Variants in ERCC6L2 observed in about 807,000 individuals in gnomAD.
ERCC6L2 encodes ERCC excision repair 6 like 2, also known as DNA excision repair protein ERCC-6-like 2.
In ERCC6L2, 77 loss-of-function variants were observed where a neutral mutation model predicts 132.0. The observed-to-expected ratio is 0.58, with a 90% CI of 0.49 to 0.71. The LOEUF is 0.71. Among genes scored for constraint, ERCC6L2 ranks in the 30% least tolerant of loss-of-function variants. The probability of loss-of-function intolerance (pLI) is 0.00; values close to 1 mark genes in which losing one functional copy is unlikely to be tolerated. For missense variants in ERCC6L2, 1,542 were observed against 1,837.6 expected, an observed-to-expected ratio of 0.84 and a Z score of 2.94; for synonymous variants, 583 against 632.4, an observed-to-expected ratio of 0.92 and a Z score of 1.17.
intron 4 of ERCC6L2, among the ~76,000 whole-genome samples, chr9:95,912,072 A>G (rs1402954510): frequency 6.6e-6 from 1 of 152,168 alleles, no homozygotes; most frequent in Non-Finnish European, 1.5e-5. Context: ...TAAACAGACT[A>G]TTGAACATTT....
At chr9:95,880,105 T>G (rs187602641) in intron 1 of ERCC6L2, among the ~76,000 whole-genome samples, 1 of 152,308 alleles carries the variant, frequency 6.6e-6, no homozygotes, top group African/African-American at 2.4e-5. Flanking sequence ...TAATACTCTT[T>G]AAAGTGTAAT....
chr9:95,967,871 A>G (rs560262772), intron 14 of ERCC6L2: 1 of 152,136 alleles, frequency 6.6e-6, no homozygotes, highest in African/African-American at 2.4e-5. Flanking sequence ...CCCAGCTGCT[A>G]CCTCCATCTC....
At chr9:95,884,949 G>A (rs1827786758) in intron 2 of ERCC6L2, among the ~76,000 whole-genome samples, 1 of 152,172 alleles carries the variant, frequency 6.6e-6, no homozygotes, top group Non-Finnish European at 1.5e-5. Flanking sequence ...TTTTTAAGGT[G>A]AATTGGAAGG....
intron 3 of ERCC6L2, among the ~76,000 whole-genome samples, chr9:95,900,863 A>C (rs546488162): frequency 2.0e-4 from 30 of 152,208 alleles, no homozygotes; most frequent in Non-Finnish European, 3.5e-4. Context: ...AAAACGTTAA[A>C]TTTTTTTATT....
chr9:95,963,615 A>C (rs1487215894), intron 13 of ERCC6L2, among the ~76,000 whole-genome samples: 3 of 152,086 alleles, frequency 2.0e-5, no homozygotes, highest in African/African-American at 7.2e-5. Flanking sequence ...GGACCCATTC[A>C]GTTTCCCCAC....
chr9:95,941,234 T>G (rs1346565294), intron 11 of ERCC6L2, among the ~76,000 whole-genome samples: 1 of 152,186 alleles, frequency 6.6e-6, no homozygotes, highest in Non-Finnish European at 1.5e-5. Flanking sequence ...ACGTGGGCTC[T>G]AATGACCAGT....
intron 7 of ERCC6L2, among the ~76,000 whole-genome samples, chr9:95,922,085 C>A (rs1371777190): frequency 1.3e-5 from 2 of 152,090 alleles, no homozygotes; most frequent in Non-Finnish European, 2.9e-5. Context: ...AGGATTTTCT[C>A]CCTTTATGAA....
intron 12 of ERCC6L2, among the ~76,000 whole-genome samples, 167 bp from the exon 13 acceptor site, chr9:95,955,745 TGA>T (rs930797569): frequency 1.3e-5 from 2 of 152,180 alleles, no homozygotes; most frequent in African/African-American, 4.8e-5. Flanking sequence ...GCTTTTTATA[TGA>T]GTTTGAATTT....
chr9:95,929,968 CTCTA>C (rs2132802091), intron 11 of ERCC6L2, among the ~76,000 whole-genome samples: 2 of 152,268 alleles, frequency 1.3e-5, no homozygotes, highest in South Asian at 2.1e-4. Context: ...ACCCCTTCAC[CTCTA>C]TCTGTCAGAA....
chr9:95,907,545 T>G (rs1829108425), intron 4 of ERCC6L2, among the ~76,000 whole-genome samples: 1 of 152,006 alleles, frequency 6.6e-6, no homozygotes, highest in African/African-American at 2.4e-5. Flanking sequence ...ATGATTCCTT[T>G]GCTTGATTTA....
rs117676594 is a variant in ERCC6L2 at position 95,977,713 on chromosome 9, A to T, written c.3338-348A>T. ...TAAAGGAACAGATAAGGTTAGTTTC[A>T]TTCTTTAAATTAGTGAACATCTTTT... On this transcript the variant is annotated intron_variant, in intron 16 of 18. Transcript: ENST00000653738. Among the ~76,000 whole-genome samples, 30 of 152,226 alleles carry T rather than the reference A, an allele frequency of 2.0e-4. No homozygotes were observed. The East Asian group carries it at 5.6e-3, about 28-fold the overall frequency.
intron 12 of ERCC6L2, among the ~76,000 whole-genome samples, chr9:95,952,714 T>C (rs932190122): frequency 2.0e-5 from 3 of 152,070 alleles, no homozygotes; most frequent in African/African-American, 7.2e-5. Context: ...TACATGCCTG[T>C]AGTTCCAGCT....
At chr9:96,036,295 T>C (rs569694030) in intron 19 of ERCC6L2, among the ~76,000 whole-genome samples, 1 of 152,286 alleles carries the variant, frequency 6.6e-6, no homozygotes, top group Non-Finnish European at 1.5e-5. Context: ...GTACACAGAA[T>C]TTGTCCCTTT....
chr9:95,977,163 A>G (rs1048327570), intron 16 of ERCC6L2, among the ~76,000 whole-genome samples: 1 of 152,232 alleles, frequency 6.6e-6, no homozygotes, highest in East Asian at 1.9e-4. Context: ...CATCAAAATT[A>G]AGAAACATCT....
chr9:95,938,804 G>A (rs1459325929), intron 11 of ERCC6L2, among the ~76,000 whole-genome samples: 1 of 151,942 alleles, frequency 6.6e-6, no homozygotes, highest in East Asian at 1.9e-4. Context: ...GTATATTTAG[G>A]CCATTATATT....
chr9:95,933,800 C>T lies in ERCC6L2; in HGVS notation c.1751+4936C>T, dbSNP rs149345987. 7.6e-3 allele frequency among the ~76,000 whole-genome samples: 1,099 copies of T among 145,084 alleles called. 13 individuals carry two copies. The highest frequency in any genetic ancestry group is 0.027 in the African/African-American group (1,045 of 38,782). On this transcript the variant is annotated intron_variant, in intron 11 of 18. Coordinates refer to ENST00000653738, the MANE Select transcript of ERCC6L2 (RefSeq NM_020207.7). Reference sequence around the variant, plus strand: ...TGGAGGCTGCAGTAAGCTGAGATGACGCCACTGCACTCCATCCTGGACAAG... The same window carrying T: ...TGGAGGCTGCAGTAAGCTGAGATGATGCCACTGCACTCCATCCTGGACAAG...
chr9:95,897,818 C>T, intron 2 of ERCC6L2, 31 bp from the exon 3 acceptor site: 3 of 1,610,306 alleles, frequency 1.9e-6, no homozygotes, highest in Non-Finnish European at 2.5e-6. Context: ...ATACATTATA[C>T]ACAGTGATTG....
intron 2 of ERCC6L2, among the ~76,000 whole-genome samples, chr9:95,882,575 A>T (rs1437744511): frequency 6.6e-6 from 1 of 152,146 alleles, no homozygotes; most frequent in East Asian, 1.9e-4. Context: ...TCCATTAGTT[A>T]TTGGAACTCA....
chr9:96,033,393 C>T (rs370227575), intron 19 of ERCC6L2, among the ~76,000 whole-genome samples: 12 of 152,080 alleles, frequency 7.9e-5, no homozygotes, highest in Admixed American at 3.9e-4. Context: ...GACAGGCACG[C>T]GCCACCATGC....
Sources: allele counts gnomAD v4.1 joint callset (sites outside exome capture counted in the v4.1 genomes callset), GRCh38; gene constraint gnomAD v4.1.1; transcripts MANE v1.5; gene names NCBI Gene and HGNC (gene_info 2026-07-23, HGNC 2026-07-21).